Variants in WDR5 observed in about 807,000 individuals in gnomAD.
WDR5 encodes WD repeat-containing protein 5.
For missense variants in WDR5, 187 were observed against 416.9 expected, an observed-to-expected ratio of 0.45 and a Z score of 4.80; for synonymous variants, 144 against 161.6, an observed-to-expected ratio of 0.89 and a Z score of 0.83.
chr9:134,143,647 C>T (rs1433021967), intron 7 of WDR5, among the ~76,000 whole-genome samples: 1 of 151,938 alleles, frequency 6.6e-6, no homozygotes, highest in East Asian at 2.0e-4. Context: ...CTGCCTCAGC[C>T]TCTCCGAGTA....
At chr9:134,143,757 C>G (rs960286755) in intron 7 of WDR5, among the ~76,000 whole-genome samples, 1 of 151,740 alleles carries the variant, frequency 6.6e-6, no homozygotes, top group Non-Finnish European at 1.5e-5. Context: ...GCTCGTGATC[C>G]TCCCGCCTTG....
chr9:134,141,571 T>C lies in WDR5; in HGVS notation c.252T>C (p.Ser84=). The C allele has an allele frequency of 6.2e-7, 1 of 1,614,188 alleles. No homozygotes were observed. Among genetic ancestry groups the C allele is most frequent in the South Asian group, 1.1e-5 (1 of 91,088 alleles). The change falls in exon 4 of 14, where the codon TCT becomes TCC. Residue 84 remains serine, a synonymous_variant. Transcript: ENST00000358625. ...AYDGKFEKTI[S]GHKLGISDVA... ...ATGGGAAATTTGAGAAAACCATATC[T>C]GGTCACAAGCTGGTAGGTTTCAGCC... is the stretch of plus-strand genomic sequence containing the variant.
intron 1 of WDR5, among the ~76,000 whole-genome samples, chr9:134,138,182 G>C (rs1208459201): frequency 2.6e-5 from 4 of 152,228 alleles, no homozygotes. Flanking sequence ...CCTATCTGTT[G>C]TTCCTCCTCT....
intron 8 of WDR5, 47 bp from the exon 9 acceptor site, chr9:134,151,936 G>A: frequency 6.2e-7 from 1 of 1,601,434 alleles, no homozygotes; most frequent in Non-Finnish European, 8.5e-7. Flanking sequence ...GCCCGCGTGA[G>A]ATCATAACTT....
chr9:134,135,466 A>G (rs1161168424), upstream of WDR5: 3 of 152,270 alleles, frequency 2.0e-5, no homozygotes, highest in Admixed American at 6.5e-5. Context: ...GGCTCTGTGC[A>G]TGCAGAGGCG....
intron 9 of WDR5, among the ~76,000 whole-genome samples, chr9:134,153,201 C>G (rs963882198): frequency 6.6e-6 from 1 of 152,172 alleles, no homozygotes; most frequent in Non-Finnish European, 1.5e-5. Context: ...ACACGTAACC[C>G]TCACGGCCAC....
intron 8 of WDR5, 51 bp downstream of exon 8, chr9:134,148,394 C>T: frequency 6.6e-7 from 1 of 1,516,170 alleles, no homozygotes; most frequent in Non-Finnish European, 9.2e-7. Context: ...AACTAAGGGC[C>T]AGCTCTTGCA....
rs1170192465 is a variant in WDR5 at position 134,157,521 on chromosome 9, G to GGTCT, written c.905-370_905-367dup. 6.6e-6 allele frequency among the ~76,000 whole-genome samples: 1 copy of GGTCT among 152,152 alleles called. No homozygotes were observed. The highest frequency in any genetic ancestry group is 1.5e-5 in the Non-Finnish European group (1 of 68,018). On this transcript the variant is annotated intron_variant, in intron 13 of 13. Coordinates refer to ENST00000358625, the MANE Select transcript of WDR5 (RefSeq NM_017588.3). This position sits in a 1 kb window ranked among gnomAD's most constrained non-coding sequence, Gnocchi z 5.0. ...CGATAAAGGACTGAGGACTGTGAGG[G>GGTCT]GTCTGACTGCAGTCCTTGTGCGCGC...
intron 7 of WDR5, 93 bp from the exon 8 acceptor site, chr9:134,148,186 CTTTTTTTTT>C (rs34443303): frequency 1.9e-4 from 54 of 285,694 alleles, no homozygotes; most frequent in South Asian, 6.5e-4. Flanking sequence ...ATAACTCAGT[CTTTTTTTTT>C]TTTTTTTTTT....
upstream of WDR5, chr9:134,135,412 C>G (rs1831490940): frequency 6.6e-6 from 1 of 152,216 alleles, no homozygotes; most frequent in African/African-American, 2.4e-5. Context: ...CAGAGCGGCC[C>G]TGCCAGTCCG....
chr9:134,148,366 A>G (rs903921525), intron 8 of WDR5, 23 bp downstream of exon 8: 2 of 1,604,342 alleles, frequency 1.2e-6, no homozygotes, highest in Admixed American at 1.7e-5. Context: ...ATTTTACTTC[A>G]TGAAGCGATG....
intron 1 of WDR5, among the ~76,000 whole-genome samples, chr9:134,136,411 G>A (rs1166302377): frequency 6.6e-6 from 1 of 151,400 alleles, no homozygotes; most frequent in Admixed American, 6.6e-5. Context: ...CCTCCACCCG[G>A]TCCGCCCCCA....
intron 9 of WDR5, among the ~76,000 whole-genome samples, chr9:134,153,509 C>T (rs1190053230): frequency 2.0e-5 from 3 of 152,234 alleles, no homozygotes; most frequent in African/African-American, 4.8e-5. Context: ...TAAGGGAGCC[C>T]GGCCCCCCGG....
At chr9:134,137,686 A>AAC (rs1383135569) in intron 1 of WDR5, among the ~76,000 whole-genome samples, 13 of 134,812 alleles carry the variant, frequency 9.6e-5, no homozygotes, top group East Asian at 4.5e-4. Context: ...AACAAAAACA[A>AAC]AAAAAAAACA....
intron 1 of WDR5, among the ~76,000 whole-genome samples, chr9:134,136,665 C>T (rs1310095934): frequency 6.6e-6 from 1 of 152,204 alleles, no homozygotes; most frequent in Non-Finnish European, 1.5e-5. Flanking sequence ...AGCCAGGCTG[C>T]AGCTCGCTAG....
At chr9:134,143,590 G>A (rs1249832251) in intron 7 of WDR5, among the ~76,000 whole-genome samples, 3 of 148,592 alleles carry the variant, frequency 2.0e-5, no homozygotes, top group African/African-American at 7.4e-5. Flanking sequence ...GCAGTGTTGC[G>A]ATCTCGGCTC....
chr9:134,145,187 C>T (rs538911567), intron 7 of WDR5, among the ~76,000 whole-genome samples: 2 of 150,204 alleles, frequency 1.3e-5, no homozygotes, highest in South Asian at 4.2e-4. Context: ...CAAGCTCTGC[C>T]TCCTGGGTTC....
chr9:134,146,527 C>T (rs961191568), intron 7 of WDR5, among the ~76,000 whole-genome samples: 4 of 152,228 alleles, frequency 2.6e-5, no homozygotes, highest in Non-Finnish European at 4.4e-5. Context: ...TAAGCCACCG[C>T]GCCCGGCCTC....
intron 9 of WDR5, 58 bp downstream of exon 9, chr9:134,152,087 C>G: frequency 1.3e-6 from 2 of 1,582,266 alleles, no homozygotes; most frequent in Admixed American, 1.8e-5. Flanking sequence ...CTGCTGGGTT[C>G]ACTGCCCCTG....
Sources: allele counts gnomAD v4.1 joint callset (sites outside exome capture counted in the v4.1 genomes callset), GRCh38; gene constraint gnomAD v4.1.1; non-coding constraint Gnocchi (gnomAD v3.1); transcripts MANE v1.5; gene names NCBI Gene and HGNC (gene_info 2026-07-23, HGNC 2026-07-21).